IGFBP7: variants seen among roughly 807,000 people sequenced by gnomAD.
The protein encoded by IGFBP7 is insulin-like growth factor-binding protein 7.
A neutral mutation model predicts 29.4 loss-of-function variants in IGFBP7; 31 were observed. That is an observed-to-expected ratio of 1.05 (90% CI 0.79 to 1.42). The LOEUF (loss-of-function observed/expected upper bound fraction) is 1.42, where lower values mean the gene tolerates loss of function less well. IGFBP7 is among the 40% of genes most tolerant of loss of function. The pLI is 0.00. For missense variants in IGFBP7, 393 were observed against 395.5 expected, an observed-to-expected ratio of 0.99 and a Z score of 0.05; for synonymous variants, 172 against 174.9, an observed-to-expected ratio of 0.98 and a Z score of 0.13.
At chr4:57,084,797 T>TG (rs1222190712) in intron 1 of IGFBP7, among the ~76,000 whole-genome samples, 1 of 147,888 alleles carries the variant, frequency 6.8e-6, no homozygotes, top group Non-Finnish European at 1.5e-5. Context: ...GGTTTTTTTT[T>TG]TTTTTTTTTT....
chr4:57,035,885 A>G (rs1724073017), intron 2 of IGFBP7, among the ~76,000 whole-genome samples: 1 of 152,240 alleles, frequency 6.6e-6, no homozygotes, highest in African/African-American at 2.4e-5. Context: ...GAATTACTAC[A>G]ATCTATTTAG....
intron 1 of IGFBP7, among the ~76,000 whole-genome samples, chr4:57,087,385 G>A (rs1171632772): frequency 2.0e-5 from 3 of 152,204 alleles, no homozygotes; most frequent in South Asian, 4.1e-4. Context: ...CCCAACTAAT[G>A]AAGGGCAGGA....
chr4:57,074,586 A>G (rs1220314579), intron 1 of IGFBP7, among the ~76,000 whole-genome samples: 1 of 151,486 alleles, frequency 6.6e-6, no homozygotes. Flanking sequence ...TTTTGCCCAG[A>G]CTCTCCCATT....
intron 2 of IGFBP7, among the ~76,000 whole-genome samples, chr4:57,033,678 C>T (rs985394847): frequency 1.3e-5 from 2 of 152,140 alleles, no homozygotes; most frequent in South Asian, 2.1e-4. Context: ...GATGAACTGT[C>T]ACCCAGCACT....
chr4:57,047,015 T>C (rs1403503565), intron 1 of IGFBP7, among the ~76,000 whole-genome samples: 1 of 152,220 alleles, frequency 6.6e-6, no homozygotes, highest in East Asian at 1.9e-4. Context: ...TCTCTTCCTT[T>C]TGATCATTCC....
intron 2 of IGFBP7, among the ~76,000 whole-genome samples, chr4:57,036,978 T>C (rs550582041): frequency 6.6e-6 from 1 of 152,346 alleles, no homozygotes; most frequent in African/African-American, 2.4e-5. Flanking sequence ...TGTTTAATTA[T>C]TTAGGTCAGT....
intron 1 of IGFBP7, among the ~76,000 whole-genome samples, chr4:57,049,405 T>A (rs1395857952): frequency 8.0e-6 from 1 of 125,356 alleles, no homozygotes; most frequent in East Asian, 2.2e-4. Flanking sequence ...CACTCTTCTA[T>A]GTCATTTCTA....
At chr4:57,083,641 G>A (rs1212126088) in intron 1 of IGFBP7, among the ~76,000 whole-genome samples, 4 of 152,196 alleles carry the variant, frequency 2.6e-5, no homozygotes, top group African/African-American at 4.8e-5. Flanking sequence ...GGGCAGTGAT[G>A]CTGGCTGTTT....
At chr4:57,056,414 T>TTATCCTAA (rs1219789121) in intron 1 of IGFBP7, among the ~76,000 whole-genome samples, 60 of 152,262 alleles carry the variant, frequency 3.9e-4, no homozygotes, top group Middle Eastern at 6.8e-3. Context: ...TATTACTGTG[T>TTATCCTAA]GTTTGAGTTC....
intron 1 of IGFBP7, among the ~76,000 whole-genome samples, chr4:57,056,135 C>T (rs1283638020): frequency 6.6e-6 from 1 of 152,150 alleles, no homozygotes; most frequent in Non-Finnish European, 1.5e-5. Flanking sequence ...TCTTCTCCAG[C>T]TTGGCCCCTC....
intron 1 of IGFBP7, among the ~76,000 whole-genome samples, chr4:57,043,688 A>G (rs1724285546): frequency 6.6e-6 from 1 of 152,232 alleles, no homozygotes; most frequent in South Asian, 2.1e-4. Flanking sequence ...CCTCCAAACC[A>G]TAGGTCTGAA....
chr4:57,056,218 C>G (rs1724669795), intron 1 of IGFBP7, among the ~76,000 whole-genome samples: 1 of 152,184 alleles, frequency 6.6e-6, no homozygotes. Context: ...ATCCTTTGCT[C>G]ATGCATTCTT....
At chr4:57,054,360 C>T (rs1460277375) in intron 1 of IGFBP7, among the ~76,000 whole-genome samples, 3 of 152,014 alleles carry the variant, frequency 2.0e-5, no homozygotes, top group Non-Finnish European at 2.9e-5. Context: ...TGGCTGGGCA[C>T]GGGGTGGCTC....
chr4:57,109,963 C>T lies in IGFBP7; in HGVS notation c.389G>A (p.Gly130Asp), dbSNP rs1329074814. ...CTGGCTGGCGGCGCGCAGCTGGCAG[C>T]CGCTCGGGTAGGTGGTGCCGTCGCT... ...CGSDGTTYPS[G>D]CQLRAASQRA... Residue 130 changes from glycine to aspartate, a missense_variant, in exon 1 of 5, where the codon GGC (glycine) becomes GAC (aspartate). Gly to Asp is a moderately conservative substitution (Grantham distance 94, BLOSUM62 -1). Coordinates refer to ENST00000295666, the MANE Select transcript of IGFBP7 (RefSeq NM_001553.3). The T allele has an allele frequency of 1.2e-5, 19 of 1,549,594 alleles. No individual in the cohort carries two copies. The highest frequency in any genetic ancestry group is 1.4e-5 in the Non-Finnish European group (16 of 1,153,698).
At position 57,052,906 on chromosome 4, in the gene IGFBP7, C is replaced by T. The variant is rs73819507; in HGVS notation, c.476-11973G>A. On this transcript the variant is annotated intron_variant, in intron 1 of 4. Transcript: ENST00000295666. ...TGACTGTCAATCTTGTGATATCTCA[C>T]AATTATCACTGTAATTTTGAATTGA... Among the ~76,000 whole-genome samples, 695 of 152,230 alleles carry T rather than the reference C, an allele frequency of 4.6e-3. 4 individuals carry two copies. The highest frequency in any genetic ancestry group is 0.016 in the African/African-American group (663 of 41,534).
At chr4:57,088,605 C>T (rs767352314) in intron 1 of IGFBP7, among the ~76,000 whole-genome samples, 9 of 152,138 alleles carry the variant, frequency 5.9e-5, no homozygotes, top group Non-Finnish European at 1.2e-4. Context: ...ATAAAAGCAA[C>T]GGCCAGATTG....
chr4:57,078,556 C>A (rs1039726497), intron 1 of IGFBP7, among the ~76,000 whole-genome samples: 7 of 152,118 alleles, frequency 4.6e-5, no homozygotes, highest in Non-Finnish European at 7.4e-5. Flanking sequence ...CAATGCAGTT[C>A]TTCCAGCTCT....
intron 1 of IGFBP7, among the ~76,000 whole-genome samples, chr4:57,092,301 A>AAAAATTGTCTC (rs1490975107): frequency 6.6e-6 from 1 of 152,206 alleles, no homozygotes; most frequent in Non-Finnish European, 1.5e-5. Context: ...TGAACTTAAA[A>AAAAATTGTCTC]AAAGAAAACT....
At chr4:57,071,318 C>A (rs1267052469) in intron 1 of IGFBP7, among the ~76,000 whole-genome samples, 1 of 152,200 alleles carries the variant, frequency 6.6e-6, no homozygotes, top group African/African-American at 2.4e-5. Context: ...ATACATACAT[C>A]TCAGCAAGTC....
Sources: gnomAD v4.1 joint callset for allele counts (sites outside exome capture counted in the v4.1 genomes callset) on GRCh38, gnomAD v4.1.1 for gene constraint, MANE v1.5 for transcripts, NCBI Gene and HGNC (gene_info 2026-07-23, HGNC 2026-07-21) for gene names.